The following ATAD2B variants were observed in gnomAD, a reference collection of about 807,000 sequenced individuals.
ATAD2B encodes the protein ATPase family AAA domain-containing protein 2B.
In ATAD2B, 40 loss-of-function variants were observed where a neutral mutation model predicts 167.6. The observed-to-expected ratio is 0.24, with a 90% CI of 0.19 to 0.31. ATAD2B has a LOEUF of 0.31. Among genes scored for constraint, ATAD2B ranks in the 10% least tolerant of loss-of-function variants. ATAD2B has a pLI of 1.00. For synonymous variants in ATAD2B, 579 were observed against 596.5 expected, an observed-to-expected ratio of 0.97 and a Z score of 0.43; for missense variants, 1,242 against 1,757.2, an observed-to-expected ratio of 0.71 and a Z score of 5.24.
At chr2:23,768,362 C>T (rs939517098) in intron 22 of ATAD2B, among the ~76,000 whole-genome samples, 11 of 150,326 alleles carry the variant, frequency 7.3e-5, no homozygotes, top group East Asian at 5.9e-4. Flanking sequence ...GGCGAGCCAC[C>T]GTGTCTCCAC....
In ATAD2B at chr2:23,754,256, G is replaced by A. The variant is rs1572624761; in HGVS notation, c.4258C>T (p.Leu1420Phe). Residue 1420 changes from leucine to phenylalanine, a missense_variant, in exon 27 of 28, where the codon CTT becomes TTT. Transcript: ENST00000238789. The part of the protein sequence containing the change: ...DKSNNLAVDQ[L>F]ERLYSLLSQC... ...CTAAGAAGAGAATATAATCTCTCAA[G>A]CTGATCAACTGCCAGATTGTTGCTT... 2 of 1,566,724 alleles carry A rather than the reference G, an allele frequency of 1.3e-6. No homozygotes were observed. Among genetic ancestry groups the A allele is most frequent in the Non-Finnish European group, 1.7e-6 (2 of 1,154,710 alleles).
chr2:23,707,849 AC>A, the ATAD2B span: 1 of 152,412 alleles, frequency 6.6e-6, no homozygotes, highest in East Asian at 1.9e-4. Flanking sequence ...CATGAACAGA[AC>A]CACTCTTCTT....
the ATAD2B span, among the ~76,000 whole-genome samples, chr2:23,712,923 C>T: frequency 6.6e-6 from 1 of 152,178 alleles, no homozygotes; most frequent in Non-Finnish European, 1.5e-5. Flanking sequence ...CATACTAGGT[C>T]GGTAAGACTG....
At chr2:23,812,308 CA>C (rs61415389) in intron 17 of ATAD2B, among the ~76,000 whole-genome samples, 17,445 of 140,690 alleles carry the variant, frequency 0.12, 1,065 homozygotes, top group Middle Eastern at 0.23. Context: ...CTATTCACTG[CA>C]AAAAAAAAAA....
rs555447390 is a variant in ATAD2B at position 23,840,689 on chromosome 2, CTTAGA to C, written c.1569-6616_1569-6612del. On this transcript the variant is annotated intron_variant, in intron 13 of 27. Coordinates refer to ENST00000238789, the MANE Select transcript of ATAD2B (RefSeq NM_017552.4). ...AAAACAGTGTCCATTCTATATTTGT[CTTAGA>C]TAAGTATGCCCATTAGATCAGATTC... 8.3e-4 allele frequency among the ~76,000 whole-genome samples: 126 copies of C among 152,184 alleles called. 1 individual carries two copies. Among genetic ancestry groups the C allele is most frequent in the African/African-American group, 2.9e-3 (120 of 41,516 alleles).
chr2:23,895,119 T>A (rs1700010180), intron 2 of ATAD2B, among the ~76,000 whole-genome samples: 1 of 152,086 alleles, frequency 6.6e-6, no homozygotes, highest in Non-Finnish European at 1.5e-5. Context: ...CTTTAAAGAG[T>A]TTAAAGAACC....
At chr2:23,875,000 G>A (rs886470297) in intron 8 of ATAD2B, among the ~76,000 whole-genome samples, 16 of 144,548 alleles carry the variant, frequency 1.1e-4, no homozygotes, top group African/African-American at 3.6e-4. Context: ...AGCTTGCAGC[G>A]ACCCAAGATT....
intron 13 of ATAD2B, among the ~76,000 whole-genome samples, chr2:23,852,905 C>T (rs929344695): frequency 3.4e-5 from 5 of 148,216 alleles, no homozygotes; most frequent in African/African-American, 5.0e-5. Context: ...GGCGACAGAG[C>T]GAGACTCCAT....
chr2:23,765,706 G>C (rs1677311574), intron 22 of ATAD2B, 78 bp from the exon 23 acceptor site: 1 of 967,600 alleles, frequency 1.0e-6, no homozygotes, highest in Non-Finnish European at 1.4e-6. Flanking sequence ...AAAAGTAAAA[G>C]AATACAAACA....
chr2:23,778,498 T>A (rs1679508090), intron 22 of ATAD2B, among the ~76,000 whole-genome samples: 2 of 152,064 alleles, frequency 1.3e-5, no homozygotes, highest in Admixed American at 6.6e-5. Flanking sequence ...GTATAAAGGG[T>A]CATTCTAGAG....
At chr2:23,918,377 T>C (rs1249400422) in intron 1 of ATAD2B, among the ~76,000 whole-genome samples, 2 of 151,618 alleles carry the variant, frequency 1.3e-5, no homozygotes, top group African/African-American at 4.8e-5. Flanking sequence ...TCTCAAAAAA[T>C]ACATATATAC....
intron 17 of ATAD2B, 138 bp downstream of exon 17, chr2:23,819,609 G>C: frequency 9.2e-6 from 6 of 651,152 alleles, no homozygotes; most frequent in Non-Finnish European, 1.4e-5. Flanking sequence ...CATAGTAAAA[G>C]TTTTCCAGAA....
chr2:23,888,787 T>C (rs1335650748), intron 2 of ATAD2B, among the ~76,000 whole-genome samples: 1 of 152,154 alleles, frequency 6.6e-6, no homozygotes, highest in Non-Finnish European at 1.5e-5. Flanking sequence ...ATTAACACAA[T>C]AAACAGTAAG....
At chr2:23,922,792 T>C (rs1704145152) in intron 1 of ATAD2B, among the ~76,000 whole-genome samples, 1 of 149,208 alleles carries the variant, frequency 6.7e-6, no homozygotes, top group Non-Finnish European at 1.5e-5. Context: ...GAAATGCAAA[T>C]CAAAACCACA....
At chr2:23,875,607 G>A (rs1696708389) in intron 8 of ATAD2B, among the ~76,000 whole-genome samples, 1 of 151,732 alleles carries the variant, frequency 6.6e-6, no homozygotes, top group African/African-American at 2.4e-5. Context: ...TCAAATGAAA[G>A]CAATATGGGT....
the ATAD2B span, among the ~76,000 whole-genome samples, chr2:23,724,062 T>TA: frequency 1.8e-4 from 28 of 151,976 alleles, no homozygotes; most frequent in South Asian, 5.4e-3. Context: ...CTGCGGAAGT[T>TA]AAAAAAAAGT....
intron 25 of ATAD2B, among the ~76,000 whole-genome samples, chr2:23,755,757 C>T (rs192872319): frequency 6.6e-5 from 10 of 152,244 alleles, no homozygotes; most frequent in Middle Eastern, 3.4e-3. Flanking sequence ...AAACAGCAAA[C>T]GAACCAAAGT....
the ATAD2B span, chr2:23,684,560 G>T: frequency 6.5e-7 from 1 of 1,538,688 alleles, no homozygotes. The surrounding 1 kb of genome is among the most constrained non-coding windows in gnomAD (Gnocchi z 4.4). Context: ...TCCAGCTGTG[G>T]TCGGGTCTGT....
At chr2:23,706,526 C>A in the ATAD2B span, 1 of 1,535,786 alleles carries the variant, frequency 6.5e-7, no homozygotes, top group African/African-American at 1.4e-5. Flanking sequence ...GAGGTATTGT[C>A]AGCAGTGAAG....
Sources: allele counts gnomAD v4.1 joint callset (sites outside exome capture counted in the v4.1 genomes callset), GRCh38; gene constraint gnomAD v4.1.1; non-coding constraint Gnocchi (gnomAD v3.1); transcripts MANE v1.5; gene names NCBI Gene and HGNC (gene_info 2026-07-23, HGNC 2026-07-21).